Variants in KIF18A observed in about 807,000 individuals in gnomAD.
KIF18A encodes kinesin family member 18A.
KIF18A carries 67 observed loss-of-function variants against 103.3 expected under a neutral mutation model. The observed-to-expected ratio is 0.65, with a 90% CI of 0.53 to 0.79. The LOEUF (loss-of-function observed/expected upper bound fraction) is 0.79. Ranked by LOEUF, KIF18A falls within the 30% of genes least tolerant of loss-of-function variation. The pLI, the probability that KIF18A is intolerant of heterozygous loss-of-function variation, is 0.00. For missense variants in KIF18A, 1,032 were observed against 1,062.5 expected, an observed-to-expected ratio of 0.97 and a Z score of 0.40; for synonymous variants, 367 against 355.5, an observed-to-expected ratio of 1.03 and a Z score of -0.36.
intron 13 of KIF18A, among the ~76,000 whole-genome samples, chr11:28,051,218 C>G (rs2133514802): frequency 6.6e-6 from 1 of 151,546 alleles, no homozygotes; most frequent in African/African-American, 2.4e-5. Context: ...TATTCATTTC[C>G]TAGACAAAGC....
chr11:28,049,507 C>A (rs1005113934), intron 13 of KIF18A, among the ~76,000 whole-genome samples: 1 of 151,876 alleles, frequency 6.6e-6, no homozygotes, highest in South Asian at 2.1e-4. Flanking sequence ...AGGAAGAATG[C>A]GGTATTTAGC....
intron 13 of KIF18A, among the ~76,000 whole-genome samples, chr11:28,047,038 G>C (rs1364692039): frequency 6.0e-5 from 6 of 100,830 alleles, no homozygotes; most frequent in Admixed American, 3.1e-4. Flanking sequence ...TGGGCAACAA[G>C]AGCAACACTT....
chr11:28,045,187 A>G, intron 13 of KIF18A, among the ~76,000 whole-genome samples: 1 of 152,078 alleles, frequency 6.6e-6, no homozygotes, highest in East Asian at 1.9e-4. Flanking sequence ...AGACTTGAAA[A>G]AAGTTTGATA....
In KIF18A at chr11:28,021,821, G is replaced by A. The variant is rs979544286; in HGVS notation, c.2615-539C>T. 5.3e-5 allele frequency among the ~76,000 whole-genome samples: 8 copies of A among 151,874 alleles called. No individual in the cohort carries two copies. The South Asian group carries it at 6.2e-4, about 12-fold the overall frequency. ...TTCTGGTTCTTCATTAGCTTTCACC[G>A]TCATTTTCTACTCAACAAAGTGTTG... On this transcript the variant is annotated intron_variant, in intron 16 of 16. Transcript: ENST00000263181.
At chr11:28,093,758 C>T (rs150185784) in intron 3 of KIF18A, among the ~76,000 whole-genome samples, 1 of 152,172 alleles carries the variant, frequency 6.6e-6, no homozygotes, top group Non-Finnish European at 1.5e-5. Context: ...AAGAAATGTA[C>T]AAGAAATGAT....
intron 11 of KIF18A, among the ~76,000 whole-genome samples, chr11:28,063,289 G>A (rs1259975483): frequency 6.6e-6 from 1 of 151,972 alleles, no homozygotes; most frequent in Non-Finnish European, 1.5e-5. Context: ...GTCCTTTCCA[G>A]TTAGAAAATT....
chr11:28,080,677 T>C (rs1851154777), intron 9 of KIF18A, among the ~76,000 whole-genome samples: 1 of 152,084 alleles, frequency 6.6e-6, no homozygotes, highest in Non-Finnish European at 1.5e-5. Context: ...TGAAACACGT[T>C]GAAATCGGGC....
rs934566569 is a variant in KIF18A at position 28,092,830 on chromosome 11, A to G, written c.484-1317T>C. Among the ~76,000 whole-genome samples the G allele has an allele frequency of 2.1e-4, 32 of 152,338 alleles. No homozygotes were observed. In the South Asian group the frequency reaches 4.1e-3, roughly 20 times the overall value. On this transcript the variant is annotated intron_variant, in intron 3 of 16. Coordinates refer to ENST00000263181, the MANE Select transcript of KIF18A (RefSeq NM_031217.4). Reference sequence around the variant, plus strand: ...TAAAAGTAGTAAAATGATAATATGAAGAAATATTTTTAAATCATATCTTTT... The same window carrying G: ...TAAAAGTAGTAAAATGATAATATGAGGAAATATTTTTAAATCATATCTTTT...
intron 13 of KIF18A, 57 bp from the exon 14 acceptor site, chr11:28,036,721 C>T: frequency 1.9e-6 from 2 of 1,076,246 alleles, no homozygotes; most frequent in Non-Finnish European, 2.6e-6. Context: ...TTTAAATAAC[C>T]CCCATTACTT....
chr11:28,096,867 T>A (rs1851382232), intron 2 of KIF18A, among the ~76,000 whole-genome samples: 1 of 46,134 alleles, frequency 2.2e-5, no homozygotes, highest in African/African-American at 4.5e-5. Context: ...CTTGGGTATC[T>A]CTCTCTCTCT....
At chr11:28,067,892 A>G (rs960340370) in intron 11 of KIF18A, among the ~76,000 whole-genome samples, 2 of 152,064 alleles carry the variant, frequency 1.3e-5, no homozygotes, top group African/African-American at 4.8e-5. Context: ...CTTTCTTATT[A>G]AGAGATCTCC....
At chr11:28,065,479 A>T (rs1850906485) in intron 11 of KIF18A, among the ~76,000 whole-genome samples, 1 of 152,108 alleles carries the variant, frequency 6.6e-6, no homozygotes, top group Non-Finnish European at 1.5e-5. Context: ...GGTGTACAAA[A>T]GTTCTTCGTA....
At chr11:28,047,289 A>T (rs1395457878) in intron 13 of KIF18A, among the ~76,000 whole-genome samples, 1 of 152,112 alleles carries the variant, frequency 6.6e-6, no homozygotes, top group Non-Finnish European at 1.5e-5. Context: ...CGCTACAAGA[A>T]AAAAGGAATA....
intron 13 of KIF18A, among the ~76,000 whole-genome samples, chr11:28,053,703 T>C (rs1436827262): frequency 1.3e-5 from 2 of 151,828 alleles, no homozygotes; most frequent in Non-Finnish European, 2.9e-5. Context: ...CCCCTTCCTG[T>C]GTCCATGTGT....
rs1021958109 is a variant in KIF18A, at chr11:28,073,544, C to T, written c.1425+3463G>A. Among the ~76,000 whole-genome samples the T allele has an allele frequency of 3.3e-5, 5 of 152,136 alleles. No homozygotes were observed. In the East Asian group the frequency reaches 9.6e-4, roughly 29 times the overall value. ...TCAGCCACATTAATTAGGTAAGTAA[C>T]TCCAGACAACCTACTTGAGTTCTCA... On this transcript the variant is annotated intron_variant, in intron 10 of 16. Coordinates refer to ENST00000263181, the MANE Select transcript of KIF18A (RefSeq NM_031217.4).
At chr11:28,088,859 T>C in intron 5 of KIF18A, 138 bp from the exon 6 acceptor site, 1 of 675,644 alleles carries the variant, frequency 1.5e-6, no homozygotes, top group Non-Finnish European at 2.5e-6. Flanking sequence ...ATCTAATTGA[T>C]ATTTAAGAGC....
In KIF18A at chr11:28,084,733, G is replaced by C. The variant is rs147724181; in HGVS notation, c.973C>G (p.Gln325Glu). ...CTAACAGCAGCTATCATTATAGTTT[G>C]ACAGTTTCCTCCAAGAGAATCCTTT... ...LLKDSLGGNC[Q>E]TIMIAAVSPS... Residue 325 changes from glutamine to glutamate, a missense_variant, in exon 7 of 17, where the codon CAA becomes GAA. Gln to Glu is a conservative substitution (Grantham distance 29). Transcript: ENST00000263181. 1 of 1,611,624 alleles carries C rather than the reference G, an allele frequency of 6.2e-7. No homozygotes were observed. Among genetic ancestry groups the C allele is most frequent in the African/African-American group, 1.3e-5 (1 of 74,862 alleles).
chr11:28,022,019 C>G (rs1159807990), intron 16 of KIF18A, among the ~76,000 whole-genome samples: 3 of 152,116 alleles, frequency 2.0e-5, no homozygotes, highest in Non-Finnish European at 2.9e-5. Flanking sequence ...TCCTATGTTT[C>G]TTTATTTGTA....
At chr11:28,062,299 A>G in intron 12 of KIF18A, 96 bp downstream of exon 12, 4 of 1,081,662 alleles carry the variant, frequency 3.7e-6, no homozygotes, top group Non-Finnish European at 5.2e-6. Flanking sequence ...TGTATCCTGT[A>G]ACACATAAAA....
Sources: gnomAD v4.1 joint callset for allele counts (sites outside exome capture counted in the v4.1 genomes callset) on GRCh38, gnomAD v4.1.1 for gene constraint, MANE v1.5 for transcripts, NCBI Gene and HGNC (gene_info 2026-07-23, HGNC 2026-07-21) for gene names.